The following GFRA1 variants were observed in gnomAD, a reference collection of about 807,000 sequenced individuals.
GFRA1 encodes GDNF family receptor alpha-1.
GFRA1 carries 16 observed loss-of-function variants against 51.6 expected under a neutral mutation model. The ratio of observed to expected loss-of-function variants is 0.31; its 90% CI spans 0.21 to 0.47. GFRA1 has a LOEUF of 0.47. Among genes scored for constraint, GFRA1 ranks in the 20% least tolerant of loss-of-function variants. The pLI is 1.00. For synonymous variants in GFRA1, 270 were observed against 241.3 expected (o/e 1.12, Z -1.10); for missense variants, 530 against 594.3 (o/e 0.89, Z 1.13).
chr10:116,256,391 C>G (rs1968858304), intron 4 of GFRA1, among the ~76,000 whole-genome samples: 1 of 152,144 alleles, frequency 6.6e-6, no homozygotes, highest in South Asian at 2.1e-4. Context: ...AGGTCCTGCC[C>G]TGGGAACATG....
At chr10:116,110,285 G>A (rs114752364) in intron 6 of GFRA1, among the ~76,000 whole-genome samples, 2,629 of 152,202 alleles carry the variant, frequency 0.017, 57 homozygotes, top group African/African-American at 0.059. Flanking sequence ...GCCAGGCACT[G>A]GGCTATGGGC....
At chr10:116,214,984 T>C (rs1163563783) in intron 4 of GFRA1, among the ~76,000 whole-genome samples, 1 of 152,240 alleles carries the variant, frequency 6.6e-6, no homozygotes, top group Non-Finnish European at 1.5e-5. Flanking sequence ...TTCAGCTTTG[T>C]TTACATTTTG....
intron 6 of GFRA1, among the ~76,000 whole-genome samples, chr10:116,123,762 T>C (rs139051752): frequency 2.1e-4 from 32 of 152,304 alleles, no homozygotes; most frequent in Admixed American, 1.2e-3. Flanking sequence ...CGATCAGCAA[T>C]TGAATTCAAC....
chr10:116,179,913 G>GTTGGTCCT (rs1262085786), intron 5 of GFRA1, among the ~76,000 whole-genome samples: 3 of 152,112 alleles, frequency 2.0e-5, no homozygotes, highest in Non-Finnish European at 4.4e-5. Flanking sequence ...GCCCAGAGAG[G>GTTGGTCCT]TTGGTCCTGC....
chr10:116,163,956 G>A (rs940876727), intron 5 of GFRA1, among the ~76,000 whole-genome samples: 3 of 152,138 alleles, frequency 2.0e-5, no homozygotes, highest in African/African-American at 4.8e-5. Context: ...AGTCCTTGCT[G>A]GACATGCTTC....
chr10:116,217,349 T>C (rs117554670), intron 4 of GFRA1, among the ~76,000 whole-genome samples: 3 of 152,336 alleles, frequency 2.0e-5, no homozygotes, highest in Non-Finnish European at 4.4e-5. Context: ...TTCCCTACCA[T>C]AGGAATATCA....
Position 116,063,542 on chromosome 10 carries a change from T to C in GFRA1, c.*856A>G, listed in dbSNP as rs1398741478. 6.6e-6 allele frequency: 1 copy of C among 152,222 alleles called. No individual in the cohort carries two copies. 9.4% of individuals were successfully genotyped at this position (152,222 alleles called of 1,614,324 possible). ...TATAGAAAGCCAATAGTTGAAATCA[T>C]TTAGTAGTAAAATTTTTTTCTACAT... is the stretch of plus-strand genomic sequence containing the variant. On this transcript the variant is annotated 3_prime_UTR_variant, in exon 11 of 11. Transcript: ENST00000355422.
intron 9 of GFRA1, among the ~76,000 whole-genome samples, chr10:116,081,266 A>C (rs2133835307): frequency 6.6e-6 from 1 of 152,244 alleles, no homozygotes; most frequent in Non-Finnish European, 1.5e-5. Flanking sequence ...TAACCTGTGG[A>C]GTCTGACACC....
At chr10:116,263,934 C>T (rs2577353) in intron 4 of GFRA1, among the ~76,000 whole-genome samples, 151,219 of 152,292 alleles carry the variant, frequency 0.99, 75,085 homozygotes, top group East Asian at 1. Context: ...ATAGTGCAGA[C>T]CACTAGGAAG....
intron 5 of GFRA1, among the ~76,000 whole-genome samples, chr10:116,132,766 G>A (rs1016074156): frequency 6.6e-6 from 1 of 152,156 alleles, no homozygotes; most frequent in Non-Finnish European, 1.5e-5. Flanking sequence ...CCCAGTGCAC[G>A]AAAATACTAC....
intron 4 of GFRA1, chr10:116,226,735 AC>A: frequency 2.6e-6 from 1 of 381,806 alleles, no homozygotes; most frequent in Admixed American, 2.9e-5. Context: ...TATACAACTC[AC>A]CATAATGTAT....
chr10:116,268,610 GAC>G (rs1322606690), intron 4 of GFRA1, among the ~76,000 whole-genome samples: 1 of 144,360 alleles, frequency 6.9e-6, no homozygotes, highest in Non-Finnish European at 1.6e-5. Flanking sequence ...AGAACACCAA[GAC>G]ACTCTCATCA....
At chr10:116,130,784 T>A (rs1010300402) in intron 5 of GFRA1, among the ~76,000 whole-genome samples, 1 of 152,084 alleles carries the variant, frequency 6.6e-6, no homozygotes, top group South Asian at 2.1e-4. Flanking sequence ...ACTAATGTAA[T>A]ATGGATCACA....
chr10:116,133,168 T>C (rs1302964613), intron 5 of GFRA1, among the ~76,000 whole-genome samples: 11 of 152,160 alleles, frequency 7.2e-5, no homozygotes. Flanking sequence ...GGAGTGCATA[T>C]GCGAGTGGGT....
chr10:116,238,698 C>A (rs1967103475), intron 4 of GFRA1, among the ~76,000 whole-genome samples: 1 of 152,194 alleles, frequency 6.6e-6, no homozygotes, highest in Non-Finnish European at 1.5e-5. Flanking sequence ...CAATCTAATC[C>A]ATTTAATCTA....
At position 116,061,849 on chromosome 10, in the gene GFRA1, G is replaced by A. The variant is rs1954834164; in HGVS notation, c.*2549C>T. 5.0e-6 allele frequency: 2 copies of A among 396,714 alleles called. No individual in the cohort carries two copies. Among genetic ancestry groups the A allele is most frequent in the East Asian group, 3.6e-5 (1 of 28,038 alleles). 24.6% of individuals were successfully genotyped at this position (396,714 alleles called of 1,614,324 possible). ...CAAATGATGGTGTTTTAGGGTCACC[G>A]TGTCAAACTAAGATCACACTGAATG... On this transcript the variant is annotated 3_prime_UTR_variant, in exon 11 of 11. Coordinates refer to ENST00000355422, the MANE Select transcript of GFRA1 (RefSeq NM_005264.8).
intron 5 of GFRA1, among the ~76,000 whole-genome samples, chr10:116,197,458 T>A (rs1460420129): frequency 6.6e-6 from 1 of 152,252 alleles, no homozygotes; most frequent in Non-Finnish European, 1.5e-5. Flanking sequence ...TATCGTAGTT[T>A]GGAATGTATG....
In GFRA1 at chr10:116,063,278, C is replaced by G. The variant is rs1954913003; in HGVS notation, c.*1120G>C. The G allele has an allele frequency of 6.6e-6, 1 of 152,232 alleles. No homozygotes were observed. The highest frequency in any genetic ancestry group is 6.5e-5 in the Admixed American group (1 of 15,292). The allele number at this position is 152,232 out of a possible 1,614,324, so 9.4% of individuals were successfully genotyped here. ...CCAGTTCCCTCCACAGGTATGCACGCTTGCACTTCGAGCAATGACAAAAGA... is the reference window on the plus strand; with the variant it reads ...CCAGTTCCCTCCACAGGTATGCACGGTTGCACTTCGAGCAATGACAAAAGA... On this transcript the variant is annotated 3_prime_UTR_variant, in exon 11 of 11. Transcript: ENST00000355422.
intron 4 of GFRA1, among the ~76,000 whole-genome samples, chr10:116,259,465 G>C (rs762877586): frequency 3.3e-5 from 5 of 152,054 alleles, no homozygotes; most frequent in African/African-American, 4.8e-5. Flanking sequence ...TTGCTTCTTT[G>C]GTTAATATTT....
Sources: allele counts gnomAD v4.1 joint callset (sites outside exome capture counted in the v4.1 genomes callset), GRCh38; gene constraint gnomAD v4.1.1; transcripts MANE v1.5; gene names NCBI Gene and HGNC (gene_info 2026-07-23, HGNC 2026-07-21).